EDA: variants seen among roughly 807,000 people sequenced by gnomAD.
EDA encodes the protein ectodysplasin-A.
In EDA, 2 loss-of-function variants were observed where a neutral mutation model predicts 23.6. The observed-to-expected ratio is 0.08, with a 90% CI of 0.03 to 0.27. The LOEUF (loss-of-function observed/expected upper bound fraction) is 0.27. EDA is among the 10% of genes least tolerant of loss of function. The probability of loss-of-function intolerance (pLI) is 1.00; values close to 1 mark genes in which losing one functional copy is unlikely to be tolerated. For synonymous variants in EDA, 131 were observed against 132.0 expected (o/e 0.99, Z 0.05); for missense variants, 229 against 324.2 (o/e 0.71, Z 2.26).
intron 1 of EDA, among the ~76,000 whole-genome samples, chrX:69,927,983 A>G (rs369376071): frequency 3.6e-5 from 4 of 111,830 alleles, no homozygotes; most frequent in South Asian, 7.4e-4. Context: ...GAATACAACT[A>G]ACATTAATTG....
At chrX:69,723,380 T>C (rs1040201902) in intron 1 of EDA, among the ~76,000 whole-genome samples, 4 of 112,406 alleles carry the variant, frequency 3.6e-5, no homozygotes, top group African/African-American at 1.3e-4. Context: ...CTTGCTGTAT[T>C]TTAAAATAAG....
At chrX:69,788,735 C>A (rs1228426401) in intron 1 of EDA, among the ~76,000 whole-genome samples, 4 of 113,146 alleles carry the variant, frequency 3.5e-5, no homozygotes, top group Admixed American at 9.3e-5. Context: ...GAGGTTACTG[C>A]TGTCTTTTTG....
chrX:69,894,018 T>C (rs757319026), intron 1 of EDA, among the ~76,000 whole-genome samples: 1 of 112,160 alleles, frequency 8.9e-6, no homozygotes, highest in Admixed American at 9.5e-5. Context: ...GCTAAGCTTT[T>C]AGGAATAGTA....
intron 2 of EDA, among the ~76,000 whole-genome samples, chrX:69,975,083 C>A (rs1398971544): frequency 9.0e-6 from 1 of 111,659 alleles, no homozygotes; most frequent in Non-Finnish European, 1.9e-5. Flanking sequence ...AAAAGTAGAA[C>A]TACCATTTGA....
intron 1 of EDA, among the ~76,000 whole-genome samples, chrX:69,632,783 A>AT (rs1932651268): frequency 8.9e-6 from 1 of 111,973 alleles, no homozygotes; most frequent in Admixed American, 9.5e-5. Context: ...TCCATAGAGG[A>AT]AATGTGTTCC....
At chrX:69,941,809 G>A (rs370737249) in intron 1 of EDA, among the ~76,000 whole-genome samples, 1 of 110,942 alleles carries the variant, frequency 9.0e-6, no homozygotes, top group East Asian at 2.8e-4. Context: ...ATTTACTCCT[G>A]CCATTTTATT....
intron 1 of EDA, among the ~76,000 whole-genome samples, chrX:69,920,297 C>T (rs1235169459): frequency 9.0e-6 from 1 of 110,965 alleles, no homozygotes; most frequent in East Asian, 2.8e-4. Context: ...ACTCTATCCC[C>T]AGTGTGCCCC....
At chrX:69,884,424 A>G (rs1017607399) in intron 1 of EDA, among the ~76,000 whole-genome samples, 1 of 112,375 alleles carries the variant, frequency 8.9e-6, no homozygotes, top group African/African-American at 3.2e-5. Context: ...CTTAGTGAAT[A>G]TACTAAAAAC....
At chrX:69,653,671 A>G (rs1484254415) in intron 1 of EDA, among the ~76,000 whole-genome samples, 1 of 111,269 alleles carries the variant, frequency 9.0e-6, no homozygotes, top group Non-Finnish European at 1.9e-5. Context: ...CTGATCTTTG[A>G]CAAACCTGAC....
At chrX:69,662,780 A>G (rs1186889423) in intron 1 of EDA, among the ~76,000 whole-genome samples, 1 of 112,272 alleles carries the variant, frequency 8.9e-6, no homozygotes, top group Admixed American at 9.5e-5. Flanking sequence ...TGGACAAAAA[A>G]AGTTCAGGCT....
intron 2 of EDA, among the ~76,000 whole-genome samples, chrX:70,003,476 G>A (rs2019764481): frequency 9.0e-6 from 1 of 111,681 alleles, no homozygotes; most frequent in African/African-American, 3.3e-5. Context: ...TCCCTTTTGA[G>A]GTAGATATTA....
chrX:70,018,939 A>G (rs2019992620), intron 2 of EDA, among the ~76,000 whole-genome samples: 1 of 112,079 alleles, frequency 8.9e-6, no homozygotes, highest in African/African-American at 3.2e-5. Flanking sequence ...ATTTGCAAAC[A>G]ATGTATCTGA....
intron 1 of EDA, among the ~76,000 whole-genome samples, chrX:69,794,421 A>T (rs2015492931): frequency 8.9e-6 from 1 of 112,208 alleles, no homozygotes; most frequent in Admixed American, 9.4e-5. Flanking sequence ...CAAAATTAGT[A>T]AGGAAGTTCC....
intron 5 of EDA, among the ~76,000 whole-genome samples, chrX:70,029,893 A>G (rs1256103575): frequency 1.8e-5 from 2 of 112,236 alleles, no homozygotes; most frequent in Non-Finnish European, 3.8e-5. Flanking sequence ...CGGCTCTCAG[A>G]CCACCTGGGA....
chrX:69,828,528 C>G (rs1388730437), intron 1 of EDA, among the ~76,000 whole-genome samples: 1 of 112,224 alleles, frequency 8.9e-6, no homozygotes, highest in Non-Finnish European at 1.9e-5. Flanking sequence ...TTGCACTTCC[C>G]AAGTGAGGCA....
intron 1 of EDA, among the ~76,000 whole-genome samples, chrX:69,750,617 G>A (rs2013807053): frequency 9.0e-6 from 1 of 111,355 alleles, no homozygotes; most frequent in Non-Finnish European, 1.9e-5. Flanking sequence ...CACAATGGTT[G>A]AACTAGTTTA....
chrX:69,851,873 G>A (rs1415088162), intron 1 of EDA, among the ~76,000 whole-genome samples: 1 of 111,539 alleles, frequency 9.0e-6, no homozygotes, highest in Non-Finnish European at 1.9e-5. Flanking sequence ...AAATGTAGAG[G>A]GAGAGGCAGC....
chrX:69,910,383 G>A (rs1359595994), intron 1 of EDA, among the ~76,000 whole-genome samples: 2 of 66,548 alleles, frequency 3.0e-5, no homozygotes, highest in Non-Finnish European at 5.7e-5. Flanking sequence ...GAGTGTGTGT[G>A]TGTGTGTGTG....
At chrX:69,638,836 C>T (rs1932806777) in intron 1 of EDA, among the ~76,000 whole-genome samples, 1 of 111,604 alleles carries the variant, frequency 9.0e-6, no homozygotes, top group Non-Finnish European at 1.9e-5. Flanking sequence ...GCATTACGTA[C>T]ATTCACAATG....
Sources: allele counts gnomAD v4.1 joint callset (sites outside exome capture counted in the v4.1 genomes callset), GRCh38; gene constraint gnomAD v4.1.1; transcripts MANE v1.5; gene names NCBI Gene and HGNC (gene_info 2026-07-23, HGNC 2026-07-21).